Variants in GABRA3 observed in about 807,000 individuals in gnomAD.
GABRA3 encodes gamma-aminobutyric acid type A receptor subunit alpha3.
In GABRA3, 10 loss-of-function variants were observed where a neutral mutation model predicts 30.1. The ratio of observed to expected loss-of-function variants is 0.33; its 90% CI spans 0.20 to 0.56. The LOEUF (loss-of-function observed/expected upper bound fraction) is 0.56. Ranked by LOEUF, GABRA3 falls within the 20% of genes least tolerant of loss-of-function variation. The pLI is 0.89. For missense variants in GABRA3, 233 were observed against 392.0 expected (o/e 0.59, Z 3.42); for synonymous variants, 151 against 146.8 (o/e 1.03, Z -0.21).
At chrX:152,371,664 A>C (rs867613268) in intron 1 of GABRA3, among the ~76,000 whole-genome samples, 8 of 111,142 alleles carry the variant, frequency 7.2e-5, no homozygotes, top group African/African-American at 2.6e-4. Flanking sequence ...ATGGTAACCC[A>C]TTTCAATCAT....
chrX:152,318,856 C>A (rs1455018745), intron 3 of GABRA3, among the ~76,000 whole-genome samples: 1 of 111,670 alleles, frequency 9.0e-6, no homozygotes, highest in East Asian at 2.8e-4. Flanking sequence ...TAAAAGCCAT[C>A]AATGACAAAC....
intron 7 of GABRA3, among the ~76,000 whole-genome samples, chrX:152,199,146 T>G (rs190477658): frequency 1.8e-5 from 2 of 110,296 alleles, no homozygotes; most frequent in Admixed American, 9.6e-5. Flanking sequence ...GCGGGCAGAT[T>G]ACGAGGTCAG....
intron 3 of GABRA3, among the ~76,000 whole-genome samples, chrX:152,319,900 A>C (rs1028128534): frequency 1.8e-5 from 2 of 111,433 alleles, no homozygotes; most frequent in Non-Finnish European, 3.8e-5. Context: ...CAATTGCATC[A>C]AAAAGTAGGC....
At chrX:152,195,056 G>A (rs1937367932) in intron 8 of GABRA3, among the ~76,000 whole-genome samples, 1 of 111,871 alleles carries the variant, frequency 8.9e-6, no homozygotes, top group South Asian at 3.7e-4. Context: ...TGCCACTCCC[G>A]GTCTGTCTAC....
At chrX:152,214,337 A>G (rs749184487) in intron 6 of GABRA3, among the ~76,000 whole-genome samples, 1 of 111,358 alleles carries the variant, frequency 9.0e-6, no homozygotes, top group African/African-American at 3.3e-5. Flanking sequence ...CCAGTCATCC[A>G]CTGATGGACA....
chrX:152,390,917 T>C (rs1239652409), intron 1 of GABRA3, among the ~76,000 whole-genome samples: 2 of 112,117 alleles, frequency 1.8e-5, no homozygotes, highest in South Asian at 3.7e-4. Flanking sequence ...ACCCTTATTA[T>C]ATATCAGTGG....
chrX:152,373,061 G>A (rs1297859002), intron 1 of GABRA3, among the ~76,000 whole-genome samples: 1 of 111,656 alleles, frequency 9.0e-6, no homozygotes, highest in African/African-American at 3.3e-5. Context: ...GAAGCCTCCC[G>A]ACACTGATTC....
At chrX:152,370,330 C>T (rs774221890) in intron 1 of GABRA3, among the ~76,000 whole-genome samples, 77 of 111,090 alleles carry the variant, frequency 6.9e-4, no homozygotes, top group African/African-American at 2.1e-3. Context: ...CAGAACTTTA[C>T]CTGAACAAAG....
intron 3 of GABRA3, among the ~76,000 whole-genome samples, chrX:152,340,791 G>A (rs1940302775): frequency 9.0e-6 from 1 of 111,571 alleles, no homozygotes; most frequent in Admixed American, 9.5e-5. Flanking sequence ...TTCTCTTGGT[G>A]TAATTTTCTT....
At chrX:152,322,335 G>T (rs1055858255) in intron 3 of GABRA3, among the ~76,000 whole-genome samples, 1 of 111,369 alleles carries the variant, frequency 9.0e-6, no homozygotes, top group Non-Finnish European at 1.9e-5. Context: ...CTGAGAAGAG[G>T]AGAAACAGGG....
intron 3 of GABRA3, among the ~76,000 whole-genome samples, chrX:152,321,861 C>A (rs986465890): frequency 9.1e-6 from 1 of 110,146 alleles, no homozygotes; most frequent in African/African-American, 3.3e-5. Context: ...CCTCCCTGTC[C>A]TTCCCTACTC....
intron 3 of GABRA3, among the ~76,000 whole-genome samples, chrX:152,292,994 G>A (rs955104498): frequency 9.0e-6 from 1 of 111,417 alleles, no homozygotes; most frequent in Admixed American, 9.6e-5. Flanking sequence ...TTTGGAATAA[G>A]TGCGATGTGG....
At chrX:152,380,654 T>C (rs182173495) in intron 1 of GABRA3, among the ~76,000 whole-genome samples, 79 of 111,899 alleles carry the variant, frequency 7.1e-4, no homozygotes, top group African/African-American at 2.4e-3. Context: ...GTTCTATTCT[T>C]AGTTTTTTGA....
chrX:152,208,712 T>A (rs1176406617), intron 6 of GABRA3, among the ~76,000 whole-genome samples: 1 of 111,257 alleles, frequency 9.0e-6, no homozygotes, highest in Non-Finnish European at 1.9e-5. Flanking sequence ...TCTGATTGTT[T>A]TCAACGAGCC....
At chrX:152,431,100 GAGAAAGAAAGACGAAATTGAGC>G (rs899941085) in intron 1 of GABRA3, among the ~76,000 whole-genome samples, 4 of 111,884 alleles carry the variant, frequency 3.6e-5, no homozygotes, top group African/African-American at 1.3e-4. Context: ...CATGTTTCAA[GAGAAAGAAAGACGAAATTGAGC>G]ACAGATGTTC....
At chrX:152,209,606 C>T (rs982239489) in intron 6 of GABRA3, among the ~76,000 whole-genome samples, 4 of 112,119 alleles carry the variant, frequency 3.6e-5, no homozygotes, top group African/African-American at 9.7e-5. Context: ...AATATAAATG[C>T]TGGGTCCCTG....
intron 1 of GABRA3, among the ~76,000 whole-genome samples, chrX:152,442,577 T>C (rs953440369): frequency 9.0e-6 from 1 of 111,513 alleles, no homozygotes; most frequent in African/African-American, 3.2e-5. Flanking sequence ...ACCCATTCTA[T>C]ACAGATAAAT....
intron 4 of GABRA3, among the ~76,000 whole-genome samples, chrX:152,283,138 C>A: frequency 9.0e-6 from 1 of 111,358 alleles, no homozygotes; most frequent in Non-Finnish European, 1.9e-5. Flanking sequence ...AATGTTAACA[C>A]ATGCCTGGAT....
chrX:152,249,819 T>G (rs997419435), intron 5 of GABRA3, among the ~76,000 whole-genome samples: 2 of 111,040 alleles, frequency 1.8e-5, no homozygotes, highest in African/African-American at 6.5e-5. Context: ...GTTTCCTCCC[T>G]GTCTTTTAAT....
Sources: allele counts gnomAD v4.1 joint callset (sites outside exome capture counted in the v4.1 genomes callset), GRCh38; gene constraint gnomAD v4.1.1; transcripts MANE v1.5; gene names NCBI Gene and HGNC (gene_info 2026-07-23, HGNC 2026-07-21).